The following VAV3 variants were observed in gnomAD, a reference collection of about 807,000 sequenced individuals.
The protein encoded by VAV3 is guanine nucleotide exchange factor VAV3.
A neutral mutation model predicts 131.2 loss-of-function variants in VAV3; 94 were observed. The ratio of observed to expected loss-of-function variants is 0.72; its 90% CI spans 0.61 to 0.85. VAV3 has a LOEUF of 0.85. Ranked by LOEUF, VAV3 falls within the 40% of genes least tolerant of loss-of-function variation. The probability of loss-of-function intolerance (pLI) is 0.00; values close to 1 mark genes in which losing one functional copy is unlikely to be tolerated. For missense variants in VAV3, 939 were observed against 1,002.7 expected, an observed-to-expected ratio of 0.94 and a Z score of 0.86; for synonymous variants, 349 against 342.0, an observed-to-expected ratio of 1.02 and a Z score of -0.22.
chr1:107,762,795 C>T (rs1664514273), intron 9 of VAV3, among the ~76,000 whole-genome samples: 1 of 152,264 alleles, frequency 6.6e-6, no homozygotes, highest in South Asian at 2.1e-4. Flanking sequence ...ATTAGCTACA[C>T]CTGGGAGATA....
intron 2 of VAV3, among the ~76,000 whole-genome samples, chr1:107,792,779 G>A (rs17484794): frequency 0.31 from 47,077 of 151,864 alleles, 7,906 homozygotes; most frequent in Non-Finnish European, 0.37. Flanking sequence ...AATTGAATAC[G>A]AAAGAAACAG....
intron 15 of VAV3, among the ~76,000 whole-genome samples, chr1:107,711,978 G>C (rs1360741723): frequency 1.3e-5 from 2 of 152,070 alleles, no homozygotes; most frequent in Non-Finnish European, 2.9e-5. Context: ...GAGCCACCGT[G>C]CCCGACAACG....
chr1:107,619,847 G>A (rs1290667947), intron 20 of VAV3, among the ~76,000 whole-genome samples: 1 of 152,120 alleles, frequency 6.6e-6, no homozygotes, highest in Non-Finnish European at 1.5e-5. Flanking sequence ...AGTGTATGTT[G>A]GCCAATGTAA....
chr1:107,855,046 G>A (rs1259185205), intron 2 of VAV3, among the ~76,000 whole-genome samples: 9 of 152,138 alleles, frequency 5.9e-5, no homozygotes, highest in Admixed American at 5.9e-4. Context: ...AAGCATGGAA[G>A]ATAGCACATC....
At chr1:107,774,315 C>T (rs1293649539) in intron 4 of VAV3, among the ~76,000 whole-genome samples, 1 of 152,174 alleles carries the variant, frequency 6.6e-6, no homozygotes, top group African/African-American at 2.4e-5. Flanking sequence ...GATCTGCCCA[C>T]CTCAGCCTCC....
rs776429384 is a variant in VAV3 at position 107,602,418 on chromosome 1, A to G, written c.2199T>C (p.Asn733=). 7 of 1,572,782 alleles carry G rather than the reference A, an allele frequency of 4.5e-6. No individual in the cohort carries two copies. In the Admixed American group the frequency reaches 1.0e-4, roughly 22 times the overall value. The change falls in exon 24 of 27, where the codon AAT becomes AAC. Residue 733 remains asparagine, a synonymous_variant. Transcript: ENST00000370056. Reference sequence around the variant, plus strand: ...TTACCATTAAACTTTTAAATTTTCTATTTTCTGCAATGTGAAAAAAGCCAT... The same window carrying G: ...TTACCATTAAACTTTTAAATTTTCTGTTTTCTGCAATGTGAAAAAAGCCAT... ...TRDGFFHIAE[N]RKFKSLMELV...
chr1:107,942,178 T>C lies in VAV3; in HGVS notation c.204+22488A>G, dbSNP rs146334914. Among the ~76,000 whole-genome samples, 5 of 152,302 alleles carry C rather than the reference T, an allele frequency of 3.3e-5. No individual in the cohort carries two copies. In the East Asian group the frequency reaches 9.7e-4, roughly 29 times the overall value. ...GGGCTTTCCCCTGCAAATGCAACTT[T>C]TCTGTAACCACTTGATATTGCTATC... On this transcript the variant is annotated intron_variant, in intron 1 of 26. Transcript: ENST00000370056.
intron 19 of VAV3, among the ~76,000 whole-genome samples, chr1:107,676,843 A>G (rs1369573853): frequency 6.6e-6 from 1 of 152,164 alleles, no homozygotes; most frequent in Non-Finnish European, 1.5e-5. Flanking sequence ...CAACCAGATC[A>G]TTCATAACCT....
chr1:107,808,734 G>A (rs534718461), intron 2 of VAV3, among the ~76,000 whole-genome samples: 1 of 152,168 alleles, frequency 6.6e-6, no homozygotes, highest in East Asian at 1.9e-4. Context: ...TGATTTTCTA[G>A]CTCCACAATA....
intron 2 of VAV3, among the ~76,000 whole-genome samples, chr1:107,871,380 C>A (rs1042119648): frequency 6.6e-6 from 1 of 151,664 alleles, no homozygotes; most frequent in Non-Finnish European, 1.5e-5. Flanking sequence ...AGAAATCTCC[C>A]TCTTTCAGGA....
intron 22 of VAV3, among the ~76,000 whole-genome samples, chr1:107,604,570 T>C (rs926572605): frequency 3.9e-5 from 6 of 152,258 alleles, no homozygotes; most frequent in African/African-American, 1.4e-4. Flanking sequence ...CAGACTGCAC[T>C]CTTGTCTGGA....
At chr1:107,681,822 T>TC (rs1490872395) in intron 19 of VAV3, among the ~76,000 whole-genome samples, 1 of 152,012 alleles carries the variant, frequency 6.6e-6, no homozygotes, top group Non-Finnish European at 1.5e-5. Context: ...CCCAGCTATT[T>TC]TTTTTTTGCT....
At chr1:107,669,276 C>A in intron 19 of VAV3, 1 of 1,275,976 alleles carries the variant, frequency 7.8e-7, no homozygotes, top group Non-Finnish European at 1.0e-6. Flanking sequence ...TTATCCTTCG[C>A]TGTGTAAGTG....
intron 19 of VAV3, among the ~76,000 whole-genome samples, chr1:107,658,264 C>T (rs1656729351): frequency 6.6e-6 from 1 of 152,206 alleles, no homozygotes. Context: ...CATGTCCCTA[C>T]AAAGGACATG....
chr1:107,864,818 A>G (rs546479037), intron 2 of VAV3, among the ~76,000 whole-genome samples: 6 of 152,142 alleles, frequency 3.9e-5, no homozygotes, highest in African/African-American at 1.4e-4. Context: ...TGCTTTACCA[A>G]TTTGTTTCCT....
chr1:107,964,456 C>A, intron 1 of VAV3: 1 of 525,292 alleles, frequency 1.9e-6, no homozygotes, highest in Non-Finnish European at 3.4e-6. Context: ...CATCTCCGGA[C>A]GCAAAGCTTT....
At chr1:107,779,572 A>AT in intron 2 of VAV3, 80 bp from the exon 3 acceptor site, 3 of 1,078,698 alleles carry the variant, frequency 2.8e-6, no homozygotes, top group Non-Finnish European at 3.8e-6. Context: ...TTTCAATCTA[A>AT]TATTAACCAT....
At chr1:107,828,565 A>T (rs1668112852) in intron 2 of VAV3, among the ~76,000 whole-genome samples, 1 of 152,056 alleles carries the variant, frequency 6.6e-6, no homozygotes, top group Non-Finnish European at 1.5e-5. Flanking sequence ...ATTCTATCGG[A>T]TAATTCTTTT....
intron 1 of VAV3, among the ~76,000 whole-genome samples, chr1:107,939,697 C>T (rs1673894099): frequency 6.6e-6 from 1 of 151,916 alleles, no homozygotes; most frequent in Non-Finnish European, 1.5e-5. Flanking sequence ...CCTGAGTTTC[C>T]CAGAAAGTAG....
Sources: allele counts gnomAD v4.1 joint callset (sites outside exome capture counted in the v4.1 genomes callset), GRCh38; gene constraint gnomAD v4.1.1; transcripts MANE v1.5; gene names NCBI Gene and HGNC (gene_info 2026-07-23, HGNC 2026-07-21).